MAGI2: variants seen among roughly 807,000 people sequenced by gnomAD.
MAGI2 encodes membrane associated guanylate kinase, WW and PDZ domain containing 2, also known as membrane-associated guanylate kinase, WW and PDZ domain-containing protein 2.
In MAGI2, 35 loss-of-function variants were observed where a neutral mutation model predicts 133.3. That is an observed-to-expected ratio of 0.26 (90% CI 0.20 to 0.35). The LOEUF (loss-of-function observed/expected upper bound fraction) is 0.35, where lower values mean the gene tolerates loss of function less well. MAGI2 is among the 10% of genes least tolerant of loss of function. The pLI, the probability that MAGI2 is intolerant of heterozygous loss-of-function variation, is 1.00. For missense variants in MAGI2, 1,636 were observed against 1,863.4 expected (o/e 0.88, Z 2.25); for synonymous variants, 729 against 710.6 (o/e 1.03, Z -0.41).
chr7:79,306,554 A>G (rs1197498056), intron 1 of MAGI2, among the ~76,000 whole-genome samples: 3 of 152,030 alleles, frequency 2.0e-5, no homozygotes, highest in Non-Finnish European at 4.4e-5. Context: ...GACCTTCAAT[A>G]TGTCAACTTG....
At chr7:78,251,451 T>C (rs541117382) in intron 10 of MAGI2, 2 of 152,186 alleles carry the variant, frequency 1.3e-5, no homozygotes, top group Non-Finnish European at 1.5e-5. Context: ...TATTACCAGA[T>C]GGTATAATAA....
chr7:79,405,921 C>CAAAAAAAAAAAA (rs34025242), intron 1 of MAGI2, among the ~76,000 whole-genome samples: 1 of 107,314 alleles, frequency 9.3e-6, no homozygotes. Flanking sequence ...AACCACAACA[C>CAAAAAAAAAAAA]AAAAAAAAAA....
At chr7:78,544,242 G>A (rs901750310) in intron 3 of MAGI2, among the ~76,000 whole-genome samples, 2 of 152,216 alleles carry the variant, frequency 1.3e-5, no homozygotes, top group Non-Finnish European at 2.9e-5. Context: ...AAATGAATTG[G>A]TGATTTCAGT....
chr7:78,808,885 T>G (rs1788811800), intron 2 of MAGI2, among the ~76,000 whole-genome samples: 1 of 152,168 alleles, frequency 6.6e-6, no homozygotes, highest in African/African-American at 2.4e-5. Context: ...TACATGACCC[T>G]AACTTTTAAT....
intron 2 of MAGI2, among the ~76,000 whole-genome samples, chr7:78,899,665 A>G (rs1268262999): frequency 6.6e-6 from 1 of 152,188 alleles, no homozygotes; most frequent in Non-Finnish European, 1.5e-5. Flanking sequence ...GTGAAAAACT[A>G]CTGACACTCC....
At chr7:78,678,506 G>A (rs766344767) in intron 2 of MAGI2, among the ~76,000 whole-genome samples, 29 of 152,160 alleles carry the variant, frequency 1.9e-4, no homozygotes, top group Admixed American at 5.9e-4. Context: ...TTGTTCTGAT[G>A]TAATTATTAG....
chr7:78,939,240 TG>T (rs1800782252), intron 2 of MAGI2, among the ~76,000 whole-genome samples: 1 of 152,094 alleles, frequency 6.6e-6, no homozygotes, highest in South Asian at 2.1e-4. Flanking sequence ...GTGATCTGCC[TG>T]CCTTGGCCTC....
intron 20 of MAGI2, among the ~76,000 whole-genome samples, chr7:78,117,958 T>C (rs1398600417): frequency 2.6e-5 from 4 of 152,200 alleles, no homozygotes; most frequent in Admixed American, 1.3e-4. Flanking sequence ...CAAGACTTAC[T>C]ATAAAGCCAC....
intron 1 of MAGI2, among the ~76,000 whole-genome samples, chr7:79,439,509 G>A (rs2129195187): frequency 6.6e-6 from 1 of 152,144 alleles, no homozygotes; most frequent in South Asian, 2.1e-4. Flanking sequence ...TGTAAAGGTA[G>A]TAATGTTTAC....
At chr7:78,529,030 A>AC (rs1797214911) in intron 3 of MAGI2, among the ~76,000 whole-genome samples, 1 of 151,966 alleles carries the variant, frequency 6.6e-6, no homozygotes, top group Non-Finnish European at 1.5e-5. Flanking sequence ...AACAAACCCC[A>AC]CCTAAGAATT....
At chr7:78,075,321 G>A (rs1431036137) in intron 21 of MAGI2, among the ~76,000 whole-genome samples, 1 of 151,642 alleles carries the variant, frequency 6.6e-6, no homozygotes, top group Non-Finnish European at 1.5e-5. Context: ...GACCCCGCCT[G>A]TGTCTTTTCC....
intron 1 of MAGI2, among the ~76,000 whole-genome samples, chr7:79,234,656 A>G (rs1479570007): frequency 6.6e-6 from 1 of 151,452 alleles, no homozygotes; most frequent in Non-Finnish European, 1.5e-5. Context: ...AGCTCCTTTA[A>G]GCACTTCTCT....
In MAGI2 at chr7:78,256,257, A is replaced by G. The variant is rs112808866; in HGVS notation, c.1733T>C (p.Leu578Pro). ...GACGGGCGGTGGATACGTGCCGTCTAGCTGACCATCAGTTGGCATGGAGTG... is the reference window on the plus strand; with the variant it reads ...GACGGGCGGTGGATACGTGCCGTCTGGCTGACCATCAGTTGGCATGGAGTG... Reference protein sequence around the residue: ...SLHSMPTDGQLDGTYPPPVHD... With the variant: ...SLHSMPTDGQPDGTYPPPVHD... Residue 578 changes from leucine to proline, a missense_variant, in exon 10 of 22, where the codon CTA becomes CCA. By Grantham distance (98) the Leu-to-Pro change is moderately conservative. This residue lies in a region of MAGI2 where 920 missense variants were observed against 1,093.5 expected (regional missense o/e 0.84). Coordinates refer to ENST00000354212, the MANE Select transcript of MAGI2 (RefSeq NM_012301.4). The G allele has an allele frequency of 3.1e-6, 5 of 1,614,100 alleles. No homozygotes were observed. The East Asian group carries it at 1.1e-4, about 36-fold the overall frequency.
rs533214730 is a variant in MAGI2 at position 78,456,628 on chromosome 7, G to A, written c.1045+33133C>T. 1.2e-4 allele frequency among the ~76,000 whole-genome samples: 19 copies of A among 152,126 alleles called. 1 individual carries two copies. The South Asian group carries it at 3.1e-3, about 25-fold the overall frequency. ...TAAAAGACTTGTGTAAATTTATTCC[G>A]GTATAATACAATAACTATATCAACA... On this transcript the variant is annotated intron_variant, in intron 6 of 21. Transcript: ENST00000354212.
chr7:78,118,748 T>C (rs975242157), intron 20 of MAGI2, among the ~76,000 whole-genome samples: 1 of 152,196 alleles, frequency 6.6e-6, no homozygotes, highest in African/African-American at 2.4e-5. Context: ...CAATCGTCAC[T>C]GGTGGGAATG....
At chr7:79,444,026 C>T (rs148604363) in intron 1 of MAGI2, among the ~76,000 whole-genome samples, 1,787 of 152,134 alleles carry the variant, frequency 0.012, 31 homozygotes, top group African/African-American at 0.041. Flanking sequence ...AATCAATAAA[C>T]GTAATCCAGC....
intron 1 of MAGI2, among the ~76,000 whole-genome samples, chr7:79,335,995 G>C (rs1320253369): frequency 6.6e-6 from 1 of 151,960 alleles, no homozygotes. Flanking sequence ...ACTTAACATA[G>C]AGTAGACATT....
At chr7:78,428,093 A>C (rs1260610896) in intron 6 of MAGI2, among the ~76,000 whole-genome samples, 1 of 152,204 alleles carries the variant, frequency 6.6e-6, no homozygotes, top group African/African-American at 2.4e-5. Flanking sequence ...AATTATATTT[A>C]ATGATTATTT....
At chr7:78,327,696 G>T (rs1385497519) in intron 9 of MAGI2, among the ~76,000 whole-genome samples, 1 of 152,292 alleles carries the variant, frequency 6.6e-6, no homozygotes, top group South Asian at 2.1e-4. Flanking sequence ...CCCTGATAAG[G>T]TTTGCTGAAT....
Sources: gnomAD v4.1 joint callset for allele counts (sites outside exome capture counted in the v4.1 genomes callset) on GRCh38, gnomAD v4.1.1 for gene constraint, gnomAD v4.1.1 regional missense constraint, MANE v1.5 for transcripts, NCBI Gene and HGNC (gene_info 2026-07-23, HGNC 2026-07-21) for gene names.